SHANK2: variants seen among roughly 807,000 people sequenced by gnomAD.
SHANK2 encodes SH3 and multiple ankyrin repeat domains 2.
SHANK2 carries 43 observed loss-of-function variants against 133.7 expected under a neutral mutation model. The observed-to-expected ratio is 0.32, with a 90% CI of 0.25 to 0.41. SHANK2 has a LOEUF of 0.41. Among genes scored for constraint, SHANK2 ranks in the 10% least tolerant of loss-of-function variants. The pLI, the probability that SHANK2 is intolerant of heterozygous loss-of-function variation, is 1.00. For synonymous variants in SHANK2, 1,017 were observed against 952.8 expected (o/e 1.07, Z -1.24); for missense variants, 1,994 against 2,235.8 (o/e 0.89, Z 2.18).
intron 10 of SHANK2, among the ~76,000 whole-genome samples, chr11:70,951,886 C>T (rs1555086740): frequency 6.6e-6 from 1 of 152,220 alleles, no homozygotes; most frequent in African/African-American, 2.4e-5. Context: ...CGTTCTAACC[C>T]TTGTGTGTCT....
chr11:71,226,997 T>C (rs1015507848), intron 1 of SHANK2, among the ~76,000 whole-genome samples: 3 of 152,112 alleles, frequency 2.0e-5, no homozygotes, highest in Non-Finnish European at 4.4e-5. Context: ...ACAAAGAAGA[T>C]TGTATATTTC....
chr11:70,551,132 T>G (rs566356670), intron 17 of SHANK2, among the ~76,000 whole-genome samples: 7 of 152,174 alleles, frequency 4.6e-5, no homozygotes, highest in South Asian at 2.1e-4. Flanking sequence ...CATTTTCACA[T>G]GTGCTCACTC....
intron 8 of SHANK2, among the ~76,000 whole-genome samples, chr11:71,076,059 C>A (rs1316501744): frequency 6.6e-6 from 1 of 152,174 alleles, no homozygotes. Context: ...GGGCCTCACA[C>A]GAGGCTGGGC....
chr11:70,593,608 G>C (rs1276693928), intron 17 of SHANK2, among the ~76,000 whole-genome samples: 1 of 152,158 alleles, frequency 6.6e-6, no homozygotes, highest in Non-Finnish European at 1.5e-5. Context: ...ACACCCCCAG[G>C]GAGCTCTGTC....
At chr11:70,928,702 C>T (rs1950462644) in intron 10 of SHANK2, among the ~76,000 whole-genome samples, 1 of 151,888 alleles carries the variant, frequency 6.6e-6, no homozygotes, top group African/African-American at 2.4e-5. Context: ...GAATTAGGAC[C>T]AAGGGAGAAA....
intron 15 of SHANK2, among the ~76,000 whole-genome samples, chr11:70,683,596 A>G (rs1555018844): frequency 1.3e-5 from 2 of 152,200 alleles, no homozygotes; most frequent in Non-Finnish European, 2.9e-5. Flanking sequence ...CAGTATCAGC[A>G]TGACCACTGT....
chr11:70,784,029 G>C (rs1352047069), intron 14 of SHANK2, among the ~76,000 whole-genome samples: 1 of 152,178 alleles, frequency 6.6e-6, no homozygotes, highest in East Asian at 1.9e-4. Context: ...GCTGGAAGTG[G>C]GAACAAGTGG....
intron 2 of SHANK2, among the ~76,000 whole-genome samples, chr11:71,207,979 G>A (rs553310196): frequency 6.6e-6 from 1 of 152,098 alleles, no homozygotes; most frequent in East Asian, 1.9e-4. Flanking sequence ...AAAAAAGAAA[G>A]ATTGGTGTCC....
At position 70,753,327 on chromosome 11, in the gene SHANK2, G is replaced by A. The variant is rs187620354; in HGVS notation, c.1777+45116C>T. Among the ~76,000 whole-genome samples the A allele has an allele frequency of 2.4e-4, 36 of 152,196 alleles. No individual in the cohort carries two copies. In the East Asian group the frequency reaches 4.1e-3, roughly 17 times the overall value. On this transcript the variant is annotated intron_variant, in intron 14 of 25. Coordinates refer to ENST00000601538, the MANE Select transcript of SHANK2 (RefSeq NM_012309.5). Reference sequence around the variant, plus strand: ...ACTTAAAAATACCATCAAAAGGACCGAACTGACATTTAAAGAACACCGCAC... The same window carrying A: ...ACTTAAAAATACCATCAAAAGGACCAAACTGACATTTAAAGAACACCGCAC...
At chr11:70,805,275 G>T (rs944380261) in intron 13 of SHANK2, among the ~76,000 whole-genome samples, 1 of 152,308 alleles carries the variant, frequency 6.6e-6, no homozygotes, top group African/African-American at 2.4e-5. Flanking sequence ...TTTACAATAG[G>T]GACAGGCCTG....
At chr11:71,194,998 C>A (rs1406178918) in intron 2 of SHANK2, among the ~76,000 whole-genome samples, 1 of 152,208 alleles carries the variant, frequency 6.6e-6, no homozygotes, top group Non-Finnish European at 1.5e-5. Flanking sequence ...TGAGAACAGA[C>A]ATGAAGAAAG....
chr11:71,103,922 C>CCTCT (rs143494541), intron 6 of SHANK2, among the ~76,000 whole-genome samples: 1 of 137,892 alleles, frequency 7.3e-6, no homozygotes, highest in Admixed American at 7.5e-5. Flanking sequence ...TGCACCTGCT[C>CCTCT]CTCTCTCTCT....
chr11:70,933,191 G>A (rs1161243602), intron 10 of SHANK2: 1 of 456,542 alleles, frequency 2.2e-6, no homozygotes, highest in Non-Finnish European at 4.4e-6. Flanking sequence ...CCATGAAAAA[G>A]CAACGAGATT....
chr11:70,641,096 T>C (rs1243845213), intron 17 of SHANK2, among the ~76,000 whole-genome samples: 1 of 129,032 alleles, frequency 7.8e-6, no homozygotes, highest in Non-Finnish European at 1.8e-5. Flanking sequence ...TTTCTTTTTT[T>C]CTTTTCTTTT....
intron 14 of SHANK2, among the ~76,000 whole-genome samples, chr11:70,797,145 C>G (rs1947931929): frequency 6.6e-6 from 1 of 152,216 alleles, no homozygotes; most frequent in Admixed American, 6.5e-5. Context: ...CCATGGCCAA[C>G]AAATAAAGCC....
intron 1 of SHANK2, among the ~76,000 whole-genome samples, chr11:71,244,720 TGAG>T (rs1954939322): frequency 6.6e-6 from 1 of 151,920 alleles, no homozygotes; most frequent in Admixed American, 6.5e-5. Context: ...TTGTTGTTGT[TGAG>T]ATGGACTGTC....
chr11:70,684,785 G>C (rs952814246), intron 15 of SHANK2, among the ~76,000 whole-genome samples: 2 of 151,950 alleles, frequency 1.3e-5, no homozygotes, highest in Non-Finnish European at 2.9e-5. Context: ...TCCAGTGAGC[G>C]TTGTTGGTCC....
rs530343826 is a variant in SHANK2, at chr11:70,871,615, C to T, written c.1174+24886G>A. Among the ~76,000 whole-genome samples, 4 of 152,208 alleles carry T rather than the reference C, an allele frequency of 2.6e-5. No homozygotes were observed. In the East Asian group the frequency reaches 7.7e-4, roughly 29 times the overall value. On this transcript the variant is annotated intron_variant, in intron 11 of 25. Transcript: ENST00000601538. ...GCAGGGAGAGAAAGGAAAGTGAGGT[C>T]GAGACAAATATTATAAATATGACCA...
intron 17 of SHANK2, among the ~76,000 whole-genome samples, chr11:70,517,152 C>T (rs1006018776): frequency 1.3e-5 from 2 of 152,226 alleles, no homozygotes; most frequent in South Asian, 4.1e-4. Flanking sequence ...ATTAGCAAAT[C>T]AAGCCAACAG....
Sources: gnomAD v4.1 joint callset for allele counts (sites outside exome capture counted in the v4.1 genomes callset) on GRCh38, gnomAD v4.1.1 for gene constraint, MANE v1.5 for transcripts, NCBI Gene and HGNC (gene_info 2026-07-23, HGNC 2026-07-21) for gene names.